TPCN1: variants seen among roughly 807,000 people sequenced by gnomAD.
The protein encoded by TPCN1 is two pore channel protein 1.
Under a neutral mutation model 108.8 loss-of-function variants are expected in TPCN1, and 52 were observed. The observed-to-expected ratio is 0.48, with a 90% CI of 0.38 to 0.60. TPCN1 has a LOEUF of 0.60. Among genes scored for constraint, TPCN1 ranks in the 20% least tolerant of loss-of-function variants. The probability of loss-of-function intolerance (pLI) is 0.00; values close to 1 mark genes in which losing one functional copy is unlikely to be tolerated. For synonymous variants in TPCN1, 446 were observed against 433.7 expected, an observed-to-expected ratio of 1.03 and a Z score of -0.35; for missense variants, 806 against 1,072.8, an observed-to-expected ratio of 0.75 and a Z score of 3.47.
chr12:113,263,648 G>A (rs978655339), intron 3 of TPCN1, among the ~76,000 whole-genome samples: 5 of 152,190 alleles, frequency 3.3e-5, no homozygotes, highest in African/African-American at 4.8e-5. Flanking sequence ...ATTGGCCCTC[G>A]CTGCTTTGAG....
intron 2 of TPCN1, among the ~76,000 whole-genome samples, chr12:113,234,240 G>A (rs535204465): frequency 7.2e-5 from 11 of 152,288 alleles, no homozygotes; most frequent in Admixed American, 2.6e-4. Context: ...CCCCATGCAC[G>A]CCTTTTCCTG....
chr12:113,291,136 G>A, intron 23 of TPCN1, 138 bp downstream of exon 23: 1 of 861,022 alleles, frequency 1.2e-6, no homozygotes, highest in Non-Finnish European at 1.9e-6. Flanking sequence ...TTGGTGTTCA[G>A]TGGGGAGGCC....
intron 3 of TPCN1, among the ~76,000 whole-genome samples, chr12:113,262,732 A>T (rs1955089730): frequency 6.6e-6 from 1 of 152,184 alleles, no homozygotes; most frequent in African/African-American, 2.4e-5. Context: ...GACATTGGTA[A>T]TGAACATAGG....
intron 2 of TPCN1, among the ~76,000 whole-genome samples, chr12:113,238,561 C>G (rs1007058189): frequency 6.6e-6 from 1 of 152,232 alleles, no homozygotes; most frequent in Admixed American, 6.5e-5. Flanking sequence ...TCCCAAAGTG[C>G]TGAGATTACA....
chr12:113,276,798 C>T, intron 10 of TPCN1, 121 bp from the exon 11 acceptor site: 1 of 720,768 alleles, frequency 1.4e-6, no homozygotes, highest in South Asian at 1.6e-5. Flanking sequence ...AGGGTCTCCC[C>T]AGGGCCTCTC....
chr12:113,248,557 G>C (rs1954493901), intron 2 of TPCN1, among the ~76,000 whole-genome samples: 3 of 152,234 alleles, frequency 2.0e-5, no homozygotes, highest in Non-Finnish European at 2.9e-5. Context: ...GTGGAAACTG[G>C]AAGGTGTGAC....
At chr12:113,236,723 A>C (rs1321363942) in intron 2 of TPCN1, among the ~76,000 whole-genome samples, 1 of 151,600 alleles carries the variant, frequency 6.6e-6, no homozygotes, top group African/African-American at 2.4e-5. Context: ...GGTTACATGC[A>C]CTCTGGGGTC....
rs1365973247 is a variant in TPCN1 at position 113,266,497 on chromosome 12, C to T, written c.414+141C>T. On this transcript the variant is annotated intron_variant, in intron 4 of 27. Coordinates refer to ENST00000335509, the MANE Select transcript of TPCN1 (RefSeq NM_017901.6). The surrounding 1 kb of genome is among the most constrained non-coding windows in gnomAD (Gnocchi z 4.2). The stretch of plus-strand genomic sequence containing the variant: ...GAGAGATACGAGGTGGTCATAGAGG[C>T]CTTGGGAGCGGAAATGCCTGGGTGT... 9 of 1,166,694 alleles carry T rather than the reference C, an allele frequency of 7.7e-6. No individual in the cohort carries two copies. The highest frequency in any genetic ancestry group is 1.1e-5 in the Non-Finnish European group (9 of 827,082). The allele number at this position is 1,166,694 out of a possible 1,614,324, so 72.3% of individuals were successfully genotyped here. A position where few individuals can be genotyped will look rare whatever the true frequency, so the allele number is the denominator to read the frequency against.
At chr12:113,286,578 C>T (rs1054616634) in intron 18 of TPCN1, among the ~76,000 whole-genome samples, 15 of 152,202 alleles carry the variant, frequency 9.9e-5, no homozygotes, top group African/African-American at 3.6e-4. Context: ...CTGCTCTCTT[C>T]CCTCAAAAAG....
chr12:113,268,886 G>T lies in TPCN1; in HGVS notation c.659+14G>T. ...TGGCGTCCGGCGGTAAGGCCCGGGTGGGGAGCTGGGCAGTCACTATCCTGG... is the reference window on the plus strand; with the variant it reads ...TGGCGTCCGGCGGTAAGGCCCGGGTTGGGAGCTGGGCAGTCACTATCCTGG... On this transcript the variant is annotated intron_variant, in intron 6 of 27. Coordinates refer to ENST00000335509, the MANE Select transcript of TPCN1 (RefSeq NM_017901.6). The surrounding 1 kb of genome is among the most constrained non-coding windows in gnomAD (Gnocchi z 7.3). The T allele has an allele frequency of 6.2e-7, 1 of 1,613,358 alleles. No individual in the cohort carries two copies. The highest frequency in any genetic ancestry group is 1.1e-5 in the South Asian group (1 of 91,016).
chr12:113,274,898 C>A (rs1481197257), intron 10 of TPCN1, among the ~76,000 whole-genome samples: 1 of 152,180 alleles, frequency 6.6e-6, no homozygotes, highest in Non-Finnish European at 1.5e-5. Context: ...TGTATTTCTA[C>A]CTCACTTATC....
intron 3 of TPCN1, among the ~76,000 whole-genome samples, chr12:113,265,310 G>A (rs1381820365): frequency 6.6e-6 from 1 of 152,184 alleles, no homozygotes; most frequent in Non-Finnish European, 1.5e-5. Context: ...GCTCCAGGAG[G>A]AAGCACTAAT....
chr12:113,261,779 C>G (rs1441424158), intron 3 of TPCN1, among the ~76,000 whole-genome samples: 2 of 152,114 alleles, frequency 1.3e-5, no homozygotes, highest in African/African-American at 4.8e-5. Context: ...TTTACTTAAC[C>G]TGATAATCTT....
intron 4 of TPCN1, 136 bp from the exon 5 acceptor site, chr12:113,267,707 G>A (rs890202146): frequency 3.2e-5 from 20 of 623,624 alleles, no homozygotes; most frequent in Middle Eastern, 3.1e-4. Flanking sequence ...TTAGGCATGC[G>A]AGGCCAGGTT....
chr12:113,293,219 T>C (rs780498011), intron 26 of TPCN1, 50 bp from the exon 27 acceptor site: 1 of 1,608,394 alleles, frequency 6.2e-7, no homozygotes. Flanking sequence ...GCACCAGGGG[T>C]GGGACCTGAA....
rs1277302411 is a variant in TPCN1, at chr12:113,288,340, C to T, written c.1706+106C>T. 8.3e-6 allele frequency: 13 copies of T among 1,557,178 alleles called. No homozygotes were observed. The highest frequency in any genetic ancestry group is 1.1e-5 in the Non-Finnish European group (13 of 1,154,544). Reference sequence around the variant, plus strand: ...CGGGGGAAAGGAGTTCCACAAAGGACTGCAATCGAGGGCCTGACGGGGCTC... The same window carrying T: ...CGGGGGAAAGGAGTTCCACAAAGGATTGCAATCGAGGGCCTGACGGGGCTC... On this transcript the variant is annotated intron_variant, in intron 20 of 27. Transcript: ENST00000335509. This position sits in a 1 kb window ranked among gnomAD's most constrained non-coding sequence, Gnocchi z 4.8.
At chr12:113,290,026 G>A (rs1215815262) in intron 21 of TPCN1, 102 bp from the exon 22 acceptor site, 2 of 739,120 alleles carry the variant, frequency 2.7e-6, no homozygotes, top group East Asian at 5.5e-5. Context: ...CAGAACAGAA[G>A]GATCCTTGGC....
In TPCN1 at chr12:113,266,245, C is replaced by G; in HGVS notation, c.303C>G (p.Leu101=). Reference sequence around the variant, plus strand: ...ATGCCAAGGCGCTGGCGGCCTACCTCTTTGCACACAATCACCTCTTCTACC... The same window carrying G: ...ATGCCAAGGCGCTGGCGGCCTACCTGTTTGCACACAATCACCTCTTCTACC... The part of the protein sequence containing the change: ...PKDAKALAAY[L]FAHNHLFYLM... The change falls in exon 4 of 28, where the codon CTC becomes CTG. Residue 101 remains leucine (L), a synonymous_variant. Coordinates refer to ENST00000335509, the MANE Select transcript of TPCN1 (RefSeq NM_017901.6). This position sits in a 1 kb window ranked among gnomAD's most constrained non-coding sequence, Gnocchi z 4.2. 6.2e-7 allele frequency: 1 copy of G among 1,614,154 alleles called. No individual in the cohort carries two copies.
At chr12:113,285,997 A>C in intron 18 of TPCN1, 36 bp downstream of exon 18, 1 of 1,576,232 alleles carries the variant, frequency 6.3e-7, no homozygotes, top group Non-Finnish European at 8.7e-7. Flanking sequence ...CAAAGCTGAG[A>C]CTCTTGAGGA....
Sources: gnomAD v4.1 joint callset for allele counts (sites outside exome capture counted in the v4.1 genomes callset) on GRCh38, gnomAD v4.1.1 for gene constraint, Gnocchi (gnomAD v3.1) non-coding constraint, MANE v1.5 for transcripts, NCBI Gene and HGNC (gene_info 2026-07-23, HGNC 2026-07-21) for gene names.